NPR2: variants seen among roughly 807,000 people sequenced by gnomAD.
The protein encoded by NPR2 is natriuretic peptide receptor 2.
A neutral mutation model predicts 120.7 loss-of-function variants in NPR2; 49 were observed. The observed-to-expected ratio is 0.41, with a 90% CI of 0.32 to 0.52. NPR2 has a LOEUF of 0.52. NPR2 is among the 20% of genes least tolerant of loss of function. NPR2 has a pLI of 0.36. For synonymous variants in NPR2, 484 were observed against 519.8 expected (o/e 0.93, Z 0.94); for missense variants, 931 against 1,362.9 (o/e 0.68, Z 4.99).
chr9:35,792,300 C>T lies in NPR2; in HGVS notation c.-109C>T, dbSNP rs1827806321. On this transcript the variant is annotated 5_prime_UTR_variant, in exon 1 of 22. Transcript: ENST00000342694. ...TCCCAGCCTACCTAGCCTACTCCTC[C>T]TCTTCCTGGCCCTCTTCCCCAGGCT... 3.6e-5 allele frequency: 44 copies of T among 1,223,470 alleles called. No individual in the cohort carries two copies. Among genetic ancestry groups the T allele is most frequent in the Non-Finnish European group, 4.8e-5 (43 of 889,092 alleles). The allele number at this position is 1,223,470 out of a possible 1,614,324, so 75.8% of individuals were successfully genotyped here. A position where few individuals can be genotyped will look rare whatever the true frequency, so the allele number is the denominator to read the frequency against.
Position 35,806,663 on chromosome 9 carries a change from T to C in NPR2, c.2519+125T>C. On this transcript the variant is annotated intron_variant, in intron 16 of 21. Transcript: ENST00000342694. The surrounding 1 kb of genome is among the most constrained non-coding windows in gnomAD (Gnocchi z 4.6). The stretch of plus-strand genomic sequence containing the variant: ...CCCTGCTGGCCACAGGGAGCACCCC[T>C]GCTTATAGATTATTTGCTGTCATTC... 9.9e-7 allele frequency: 1 copy of C among 1,010,934 alleles called. No homozygotes were observed. The highest frequency in any genetic ancestry group is 1.3e-5 in the South Asian group (1 of 76,384). The allele number at this position is 1,010,934 out of a possible 1,614,324, so 62.6% of individuals were successfully genotyped here. A position where few individuals can be genotyped will look rare whatever the true frequency, so the allele number is the denominator to read the frequency against.
rs147030662 is a variant in NPR2 at position 35,800,975 on chromosome 9, A to G, written c.1352-95A>G. The G allele has an allele frequency of 7.6e-5, 116 of 1,523,602 alleles. 1 individual carries two copies. In the East Asian group the frequency reaches 2.4e-3, roughly 31 times the overall value. The allele number at this position is 1,523,602 out of a possible 1,614,324, so 94.4% of individuals were successfully genotyped here. ...CATCCCTCCCTCCTCATTTCTTCCT[A>G]CTCCCAAGGAGTCTGTCTATGCACC... On this transcript the variant is annotated intron_variant, in intron 6 of 21. Transcript: ENST00000342694. This position sits in a 1 kb window ranked among gnomAD's most constrained non-coding sequence, Gnocchi z 4.7.
chr9:35,801,738 C>T lies in NPR2; in HGVS notation c.1532C>T (p.Ala511Val). The part of the protein sequence containing the change: ...FGNSERYHKG[A>V]GSRLTLSLRG... ...AACTCAGAGCGTTATCACAAAGGTG[C>T]AGGCAGTCGCCTCACACTGTCGCTG... is the stretch of plus-strand genomic sequence containing the variant. The change falls in exon 8 of 22, where the codon GCA becomes GTA. Residue 511 changes from alanine (A) to valine (V), a missense_variant. By Grantham distance (64) the Ala-to-Val change is moderately conservative. Coordinates refer to ENST00000342694, the MANE Select transcript of NPR2 (RefSeq NM_003995.4). 1 of 1,614,188 alleles carries T rather than the reference C, an allele frequency of 6.2e-7. No homozygotes were observed. Among genetic ancestry groups the T allele is most frequent in the Non-Finnish European group, 8.5e-7 (1 of 1,180,026 alleles).
chr9:35,800,106 C>A lies in NPR2; in HGVS notation c.1072C>A (p.Arg358=), dbSNP rs140870470. 1.9e-6 allele frequency: 3 copies of A among 1,613,714 alleles called. No homozygotes were observed. Among genetic ancestry groups the A allele is most frequent in the Non-Finnish European group, 2.5e-6 (3 of 1,179,836 alleles). ...TGAGACAATACAGGAAGGAGGCACC[C>A]GGGAGGATGGACTTCGAATTGTGGA... ...LNETIQEGGT[R]EDGLRIVEKM... Residue 358 remains arginine, a synonymous_variant, in exon 4 of 22, where the codon CGG becomes AGG. Transcript: ENST00000342694. This position sits in a 1 kb window ranked among gnomAD's most constrained non-coding sequence, Gnocchi z 4.7.
rs75891671 is a variant in NPR2, at chr9:35,809,233, G to A, written c.3064G>A (p.Asp1022Asn). 6.2e-7 allele frequency: 1 copy of A among 1,614,030 alleles called. No individual in the cohort carries two copies. The highest frequency in any genetic ancestry group is 8.5e-7 in the Non-Finnish European group (1 of 1,179,996). ...LGCFQLELRG[D>N]VEMKGKGKMR... ...ATGCTTCCAGCTAGAGCTTCGGGGG[G>A]ATGTGGAAATGAAGGTGATGGCAGG... is the stretch of plus-strand genomic sequence containing the variant. The change falls in exon 21 of 22, where the codon GAT (aspartate) becomes AAT (asparagine). Residue 1022 changes from aspartate (D) to asparagine (N), a missense_variant. By Grantham distance (23) the Asp-to-Asn change is conservative (BLOSUM62 1). Around this residue, in one of 3 missense-constraint regions of NPR2, gnomAD observed 184 missense variants for 328.3 expected, o/e 0.56. Transcript: ENST00000342694. This position sits in a 1 kb window ranked among gnomAD's most constrained non-coding sequence, Gnocchi z 4.1.
In NPR2 at chr9:35,809,678, A is replaced by G. The variant is rs914559623; in HGVS notation, c.*233A>G. 8.6e-7 allele frequency: 1 copy of G among 1,156,126 alleles called. No individual in the cohort carries two copies. Among genetic ancestry groups the G allele is most frequent in the Non-Finnish European group, 1.3e-6 (1 of 777,306 alleles). 71.6% of individuals were successfully genotyped at this position (1,156,126 alleles called of 1,614,324 possible). ...TACTTTCTGTAAATATCTGTATCTA[A>G]ACCAGAATATTTTGGTCAAATATAA... On this transcript the variant is annotated 3_prime_UTR_variant, in exon 22 of 22. Transcript: ENST00000342694. The surrounding 1 kb of genome is among the most constrained non-coding windows in gnomAD (Gnocchi z 4.1).
chr9:35,807,759 T>G (rs1413191298), intron 18 of NPR2, among the ~76,000 whole-genome samples: 1 of 152,102 alleles, frequency 6.6e-6, no homozygotes, highest in Admixed American at 6.5e-5. Context: ...TGAGGGAAAA[T>G]ATATTTTAAA....
At chr9:35,794,289 G>A (rs1435042385) in intron 2 of NPR2, among the ~76,000 whole-genome samples, 186 bp downstream of exon 2, 1 of 152,216 alleles carries the variant, frequency 6.6e-6, no homozygotes, top group Non-Finnish European at 1.5e-5. Context: ...GACTCTTAGT[G>A]TGCTTGCTGC....
chr9:35,803,631 T>C (rs1268884494), intron 12 of NPR2, among the ~76,000 whole-genome samples: 4 of 152,232 alleles, frequency 2.6e-5, no homozygotes, highest in African/African-American at 4.8e-5. Flanking sequence ...AGGTTTTAGC[T>C]ATGTTCAAAT....
chr9:35,802,851 C>T lies in NPR2; in HGVS notation c.1887+48C>T, dbSNP rs763176344. 1.8e-5 allele frequency: 23 copies of T among 1,256,760 alleles called. 1 individual carries two copies. In the South Asian group the frequency reaches 2.7e-4, roughly 15 times the overall value. The allele number at this position is 1,256,760 out of a possible 1,614,324, so 77.9% of individuals were successfully genotyped here. A position where few individuals can be genotyped will look rare whatever the true frequency, so the allele number is the denominator to read the frequency against. Reference sequence around the variant, plus strand: ...AAGTTCATCCACTTTAAATCACTTCCACTGTTCTTTGATTGTGGTTTTTCT... The same window carrying T: ...AAGTTCATCCACTTTAAATCACTTCTACTGTTCTTTGATTGTGGTTTTTCT... On this transcript the variant is annotated intron_variant, in intron 12 of 21. Coordinates refer to ENST00000342694, the MANE Select transcript of NPR2 (RefSeq NM_003995.4). The surrounding 1 kb of genome is among the most constrained non-coding windows in gnomAD (Gnocchi z 4.2).
Position 35,805,860 on chromosome 9 carries a change from G to C in NPR2, c.2078G>C (p.Ser693Thr), listed in dbSNP as rs1828353777. 4 of 1,614,054 alleles carry C rather than the reference G, an allele frequency of 2.5e-6. No homozygotes were observed. Among genetic ancestry groups the C allele is most frequent in the Non-Finnish European group, 3.4e-6 (4 of 1,180,004 alleles). ...CTGTGGACTGCCCCAGAACTGCTCA[G>C]TGGGAACCCCTTGCCAACCACAGGC... ...KKLWTAPELL[S>T]GNPLPTTGMQ... The change falls in exon 14 of 22, where the codon AGT (serine) becomes ACT (threonine). Residue 693 changes from serine (S) to threonine (T), a missense_variant. Coordinates refer to ENST00000342694, the MANE Select transcript of NPR2 (RefSeq NM_003995.4). The surrounding 1 kb of genome is among the most constrained non-coding windows in gnomAD (Gnocchi z 4.9).
At position 35,806,518 on chromosome 9, in the gene NPR2, G is replaced by A; in HGVS notation, c.2499G>A (p.Leu833=). The A allele has an allele frequency of 6.2e-7, 1 of 1,614,206 alleles. No individual in the cohort carries two copies. The highest frequency in any genetic ancestry group is 8.5e-7 in the Non-Finnish European group (1 of 1,180,030). Residue 833 remains leucine (L), a synonymous_variant, in exon 16 of 22, where the codon CTG becomes CTA. Coordinates refer to ENST00000342694, the MANE Select transcript of NPR2 (RefSeq NM_003995.4). This position sits in a 1 kb window ranked among gnomAD's most constrained non-coding sequence, Gnocchi z 4.6. ...YLEEKRKAEA[L]LYQILPHSVA... is the part of the protein sequence containing the mutation. ...AGGAAAAACGCAAGGCTGAAGCTCT[G>A]CTCTACCAAATCCTACCCCAGTGAG...
At chr9:35,803,108 A>G (rs1468644200) in intron 12 of NPR2, among the ~76,000 whole-genome samples, 1 of 135,274 alleles carries the variant, frequency 7.4e-6, no homozygotes, top group African/African-American at 3.0e-5. Flanking sequence ...CTCTGAACAT[A>G]TTTTTTTTTT....
Position 35,801,120 on chromosome 9 carries a change from A to G in NPR2, c.1402A>G (p.Ile468Val). The G allele has an allele frequency of 6.2e-7, 1 of 1,614,002 alleles. No homozygotes were observed. ...IVALGTGITF[I>V]MFGVSSFLIF... is the part of the protein sequence containing the mutation. ...GGCTCTGGGCACAGGAATCACCTTC[A>G]TCATGTTTGGTGTTTCCAGCTTCCT... The change falls in exon 7 of 22, where the codon ATC (isoleucine) becomes GTC (valine). Residue 468 changes from isoleucine (I) to valine (V), a missense_variant. Ile to Val is a conservative substitution (Grantham distance 29). This residue lies in a region of NPR2 where 681 missense variants were observed against 974.3 expected (regional missense o/e 0.70). Transcript: ENST00000342694.
Position 35,799,601 on chromosome 9 carries a change from A to C in NPR2, c.874-17A>C. The C allele has an allele frequency of 1.3e-6, 2 of 1,562,752 alleles. No homozygotes were observed. The highest frequency in any genetic ancestry group is 4.5e-5 in the East Asian group (2 of 44,624). On this transcript the variant is annotated splice_polypyrimidine_tract_variant and intron_variant, in intron 2 of 21. Coordinates refer to ENST00000342694, the MANE Select transcript of NPR2 (RefSeq NM_003995.4). ...TCTTGAATCCTGTTCACTCTTCCCC[A>C]TATGCTGCTGGTACAGACTGTATTG...
rs377734361 is a variant in NPR2 at position 35,792,445 on chromosome 9, C to T, written c.37C>T (p.Leu13=). Residue 13 remains leucine (L), a synonymous_variant, in exon 1 of 22, where the codon CTG becomes TTG. Coordinates refer to ENST00000342694, the MANE Select transcript of NPR2 (RefSeq NM_003995.4). ...ATCACTTCTGCTGTTGGTGGCAGCC[C>T]TGGCAGGTGGGGTGCGTCCTCCCGG... ...LPSLLLLVAA[L]AGGVRPPGAR... 1 of 1,611,348 alleles carries T rather than the reference C, an allele frequency of 6.2e-7. No homozygotes were observed. The highest frequency in any genetic ancestry group is 1.7e-5 in the Admixed American group (1 of 59,984).
At position 35,792,169 on chromosome 9, in the gene NPR2, G is replaced by A. The variant is rs1415224347; in HGVS notation, c.-240G>A. On this transcript the variant is annotated 5_prime_UTR_variant, in exon 1 of 22. Transcript: ENST00000342694. ...GGTCCCTCCCTCCCCCTGCCACCCC[G>A]TTCTCAGTCCTCAGTCCTTGCCCTA... 75 of 174,862 alleles carry A rather than the reference G, an allele frequency of 4.3e-4. No homozygotes were observed. Among genetic ancestry groups the A allele is most frequent in the Non-Finnish European group, 2.4e-4 (23 of 94,546 alleles). The allele number at this position is 174,862 out of a possible 1,614,324, so 10.8% of individuals were successfully genotyped here.
At position 35,805,290 on chromosome 9, in the gene NPR2, G is replaced by C. The variant is rs913043628; in HGVS notation, c.1888-221G>C. On this transcript the variant is annotated intron_variant, in intron 12 of 21. Coordinates refer to ENST00000342694, the MANE Select transcript of NPR2 (RefSeq NM_003995.4). This position sits in a 1 kb window ranked among gnomAD's most constrained non-coding sequence, Gnocchi z 4.9. The stretch of plus-strand genomic sequence containing the variant: ...CTTTTTAAGCATTTTCCCTGTCCCT[G>C]GTGGCTGGGTGCCTGTGTCCTGCTT... 2.6e-5 allele frequency among the ~76,000 whole-genome samples: 4 copies of C among 152,154 alleles called. No homozygotes were observed. In the East Asian group the frequency reaches 7.7e-4, roughly 29 times the overall value.
chr9:35,803,712 A>G (rs1041040659), intron 12 of NPR2, among the ~76,000 whole-genome samples: 2 of 152,254 alleles, frequency 1.3e-5, no homozygotes, highest in African/African-American at 4.8e-5. Flanking sequence ...TTTCTGAAAT[A>G]AGTCTCATAG....
Sources: allele counts gnomAD v4.1 joint callset (sites outside exome capture counted in the v4.1 genomes callset), GRCh38; gene constraint gnomAD v4.1.1; regional missense constraint gnomAD v4.1.1; non-coding constraint Gnocchi (gnomAD v3.1); transcripts MANE v1.5; gene names NCBI Gene and HGNC (gene_info 2026-07-23, HGNC 2026-07-21).